Variants in FRMD4A observed in about 807,000 individuals in gnomAD.
FRMD4A encodes FERM domain-containing protein 4A.
FRMD4A carries 29 observed loss-of-function variants against 129.1 expected under a neutral mutation model. The observed-to-expected ratio is 0.22, with a 90% confidence interval of 0.17 to 0.31. The LOEUF is 0.31. FRMD4A is among the 10% of genes least tolerant of loss of function. The pLI, the probability that FRMD4A is intolerant of heterozygous loss-of-function variation, is 1.00. For missense variants in FRMD4A, 1,272 were observed against 1,375.8 expected (o/e 0.92, Z 1.19); for synonymous variants, 634 against 571.6 (o/e 1.11, Z -1.56).
chr10:13,752,229 T>C (rs550552056), intron 8 of FRMD4A, among the ~76,000 whole-genome samples: 1 of 152,342 alleles, frequency 6.6e-6, no homozygotes, highest in African/African-American at 2.4e-5. Context: ...TTTGAGATGA[T>C]GTGCCTGTCT....
intron 2 of FRMD4A, among the ~76,000 whole-genome samples, chr10:14,322,821 A>G (rs1005814315): frequency 3.3e-5 from 5 of 152,228 alleles, no homozygotes; most frequent in African/African-American, 9.6e-5. Context: ...ATAGAAGCCA[A>G]TGAGAAACTG....
At chr10:14,313,765 C>T (rs1225723221) in intron 2 of FRMD4A, among the ~76,000 whole-genome samples, 1 of 152,176 alleles carries the variant, frequency 6.6e-6, no homozygotes, top group Non-Finnish European at 1.5e-5. Context: ...CTAAGAAACT[C>T]ATGTAACAAA....
chr10:14,008,494 G>C, intron 2 of FRMD4A: 1 of 991,990 alleles, frequency 1.0e-6, no homozygotes, highest in Non-Finnish European at 1.2e-6. Context: ...TCTGGGGAGA[G>C]TGATCCAGAA....
intron 2 of FRMD4A, among the ~76,000 whole-genome samples, chr10:14,078,345 C>G (rs1005018641): frequency 1.3e-5 from 2 of 152,190 alleles, no homozygotes; most frequent in Admixed American, 6.5e-5. Context: ...GGGTAGAACC[C>G]ACATTGACAC....
At chr10:13,710,900 G>A (rs1377821103) in intron 12 of FRMD4A, among the ~76,000 whole-genome samples, 2 of 152,176 alleles carry the variant, frequency 1.3e-5, no homozygotes, top group Non-Finnish European at 1.5e-5. Context: ...TGTAGTCCCA[G>A]CTACTTGGGA....
At chr10:13,841,879 C>G (rs2093971905) in intron 3 of FRMD4A, among the ~76,000 whole-genome samples, 1 of 152,294 alleles carries the variant, frequency 6.6e-6, no homozygotes, top group Admixed American at 6.5e-5. Context: ...TGGGGACCCC[C>G]AACCTTGCAG....
At chr10:14,174,533 C>G (rs1461674634) in intron 2 of FRMD4A, among the ~76,000 whole-genome samples, 7 of 131,336 alleles carry the variant, frequency 5.3e-5, no homozygotes, top group African/African-American at 1.9e-4. Flanking sequence ...TGCGTTTGTT[C>G]GTTCATTCAT....
chr10:13,650,027 C>A (rs74121352), intron 24 of FRMD4A, among the ~76,000 whole-genome samples: 7,278 of 152,258 alleles, frequency 0.048, 485 homozygotes, highest in African/African-American at 0.14. Context: ...GGGCTTTCCA[C>A]TGCAAGAATG....
intron 2 of FRMD4A, among the ~76,000 whole-genome samples, chr10:14,210,273 A>G (rs943040048): frequency 6.6e-6 from 1 of 152,128 alleles, no homozygotes; most frequent in Non-Finnish European, 1.5e-5. Context: ...CCATGTGAGG[A>G]TGGAGTGACA....
At chr10:13,893,318 G>A (rs748858283) in intron 2 of FRMD4A, among the ~76,000 whole-genome samples, 1 of 152,080 alleles carries the variant, frequency 6.6e-6, no homozygotes, top group Non-Finnish European at 1.5e-5. Context: ...GTTCGAATGG[G>A]ATTCTCAGGT....
chr10:14,262,277 C>T (rs2132035119), intron 2 of FRMD4A, among the ~76,000 whole-genome samples: 1 of 152,160 alleles, frequency 6.6e-6, no homozygotes, highest in East Asian at 1.9e-4. Flanking sequence ...CTCTTGGCCC[C>T]TGATGCTAAC....
intron 2 of FRMD4A, among the ~76,000 whole-genome samples, chr10:14,079,751 A>C (rs956709697): frequency 6.6e-6 from 1 of 152,146 alleles, no homozygotes; most frequent in Non-Finnish European, 1.5e-5. Context: ...CCAGGCTGAG[A>C]CTCAGAACTG....
At chr10:13,793,945 G>A (rs74121689) in intron 5 of FRMD4A, among the ~76,000 whole-genome samples, 3,705 of 152,216 alleles carry the variant, frequency 0.024, 164 homozygotes, top group African/African-American at 0.085. Context: ...GGCCAGCTAA[G>A]AAGTGGGAAC....
At chr10:14,240,035 G>C (rs147532847) in intron 2 of FRMD4A, among the ~76,000 whole-genome samples, 28 of 152,198 alleles carry the variant, frequency 1.8e-4, no homozygotes, top group African/African-American at 6.7e-4. Flanking sequence ...TGATTTACAG[G>C]ATGCTCCGAA....
At chr10:14,236,545 C>T (rs1236134262) in intron 2 of FRMD4A, among the ~76,000 whole-genome samples, 2 of 152,128 alleles carry the variant, frequency 1.3e-5, no homozygotes, top group African/African-American at 4.8e-5. Context: ...TGCGGATCAC[C>T]ACCTGCCCTG....
intron 2 of FRMD4A, among the ~76,000 whole-genome samples, chr10:14,120,367 C>T (rs1296111376): frequency 2.0e-5 from 3 of 152,092 alleles, no homozygotes; most frequent in Non-Finnish European, 4.4e-5. Flanking sequence ...CTGCCTGATG[C>T]CAATACCCTC....
intron 2 of FRMD4A, among the ~76,000 whole-genome samples, chr10:14,055,522 C>T (rs1834484294): frequency 6.6e-6 from 1 of 151,542 alleles, no homozygotes; most frequent in South Asian, 2.1e-4. Context: ...CAGTGAATTG[C>T]ACATAGCACA....
intron 2 of FRMD4A, among the ~76,000 whole-genome samples, chr10:13,959,536 C>T (rs894074238): frequency 5.3e-5 from 7 of 133,298 alleles, no homozygotes; most frequent in Non-Finnish European, 7.8e-5. Context: ...TTGTAATCAT[C>T]AGGTGACAGG....
At chr10:14,015,850 A>G (rs2095697475) in intron 2 of FRMD4A, among the ~76,000 whole-genome samples, 2 of 152,186 alleles carry the variant, frequency 1.3e-5, no homozygotes, top group Admixed American at 1.3e-4. Context: ...ATGACACTTT[A>G]TCAAATAGGT....
Sources: allele counts gnomAD v4.1 joint callset (sites outside exome capture counted in the v4.1 genomes callset), GRCh38; gene constraint gnomAD v4.1.1; transcripts MANE v1.5; gene names NCBI Gene and HGNC (gene_info 2026-07-23, HGNC 2026-07-21).